MAGI2: variants seen among roughly 807,000 people sequenced by gnomAD.
MAGI2 encodes membrane-associated guanylate kinase, WW and PDZ domain-containing protein 2.
MAGI2 carries 35 observed loss-of-function variants against 133.3 expected under a neutral mutation model. That is an observed-to-expected ratio of 0.26 (90% CI 0.20 to 0.35). MAGI2 has a LOEUF of 0.35. Among genes scored for constraint, MAGI2 ranks in the 10% least tolerant of loss-of-function variants. The pLI is 1.00. For synonymous variants in MAGI2, 729 were observed against 710.6 expected (o/e 1.03, Z -0.41); for missense variants, 1,636 against 1,863.4 (o/e 0.88, Z 2.25).
intron 9 of MAGI2, among the ~76,000 whole-genome samples, chr7:78,336,832 C>T (rs1472249558): frequency 2.0e-5 from 3 of 152,100 alleles, no homozygotes; most frequent in African/African-American, 4.8e-5. Context: ...CTAGGATGCT[C>T]GCGAGTTTTT....
chr7:79,263,047 G>A (rs1834191371), intron 1 of MAGI2, among the ~76,000 whole-genome samples: 1 of 152,004 alleles, frequency 6.6e-6, no homozygotes, highest in South Asian at 2.1e-4. Context: ...TCATTTCCAA[G>A]CTTGTTTAGA....
intron 2 of MAGI2, among the ~76,000 whole-genome samples, chr7:78,821,501 A>G (rs958436361): frequency 1.3e-5 from 2 of 152,038 alleles, no homozygotes; most frequent in Non-Finnish European, 2.9e-5. Flanking sequence ...TAAATGCATA[A>G]CAAAACTACA....
intron 2 of MAGI2, among the ~76,000 whole-genome samples, chr7:78,683,812 A>G (rs755891610): frequency 6.6e-6 from 1 of 152,202 alleles, no homozygotes; most frequent in Non-Finnish European, 1.5e-5. Context: ...GTTACTGAAT[A>G]CTAACGTTTC....
chr7:79,203,751 C>T lies in MAGI2; in HGVS notation c.302-196545G>A, dbSNP rs919996711. ...TTAAAAATATTTAAGCCGCCACCAACGCACCAATGTAAAATTCACATGCAC... is the reference window on the plus strand; with the variant it reads ...TTAAAAATATTTAAGCCGCCACCAATGCACCAATGTAAAATTCACATGCAC... On this transcript the variant is annotated intron_variant, in intron 1 of 21. Transcript: ENST00000354212. Among the ~76,000 whole-genome samples the T allele has an allele frequency of 5.9e-5, 9 of 152,132 alleles. No individual in the cohort carries two copies. In the East Asian group the frequency reaches 7.7e-4, roughly 13 times the overall value.
rs553893395 is a variant in MAGI2 at position 78,194,664 on chromosome 7, A to G, written c.2269+210T>C. Among the ~76,000 whole-genome samples the G allele has an allele frequency of 2.6e-4, 40 of 152,344 alleles. 1 individual carries two copies. The South Asian group carries it at 8.3e-3, about 32-fold the overall frequency. On this transcript the variant is annotated intron_variant, in intron 12 of 21. Transcript: ENST00000354212. ...TTCAGGAGATTAGGGGAAGAAAAGTAGGAGATAAAATATAAGGCAAAAGAT... is the reference window on the plus strand; with the variant it reads ...TTCAGGAGATTAGGGGAAGAAAAGTGGGAGATAAAATATAAGGCAAAAGAT...
In MAGI2 at chr7:78,133,036, G is replaced by A; in HGVS notation, c.3056C>T (p.Pro1019Leu). 6.3e-7 allele frequency: 1 copy of A among 1,580,766 alleles called. No individual in the cohort carries two copies. Among genetic ancestry groups the A allele is most frequent in the Non-Finnish European group, 8.6e-7 (1 of 1,166,276 alleles). ...CATGGGACTCTGCTTCTCTGAGCTGGGTGCCGAGGTGGGGCTGTTGAGCTC... is the reference window on the plus strand; with the variant it reads ...CATGGGACTCTGCTTCTCTGAGCTGAGTGCCGAGGTGGGGCTGTTGAGCTC... ...QEELNSPTSAPSSEKQSPMAQ... is the reference protein window; with the variant it reads ...QEELNSPTSALSSEKQSPMAQ... The change falls in exon 18 of 22, where the codon CCC becomes CTC. Residue 1019 changes from proline (P) to leucine (L), a missense_variant. By Grantham distance (98) the Pro-to-Leu change is moderately conservative. Around this residue, in one of 5 missense-constraint regions of MAGI2, gnomAD observed 920 missense variants for 1,093.5 expected, o/e 0.84. Transcript: ENST00000354212.
intron 2 of MAGI2, among the ~76,000 whole-genome samples, chr7:78,705,795 AG>A (rs1436831003): frequency 1.3e-5 from 2 of 152,154 alleles, no homozygotes; most frequent in African/African-American, 4.8e-5. Context: ...TAACATTTCC[AG>A]GCAACAAAGA....
chr7:79,391,488 C>CATATATATATATATATAGACAT (rs1198259408), intron 1 of MAGI2, among the ~76,000 whole-genome samples: 4 of 119,336 alleles, frequency 3.4e-5, no homozygotes, highest in Non-Finnish European at 7.2e-5. Context: ...TTACCTTTAA[C>CATATATATATATATATAGACAT]ATATATATAT....
chr7:79,378,926 GTATATATATATATATATATATATATA>G (rs59388508), intron 1 of MAGI2, among the ~76,000 whole-genome samples: 12 of 94,602 alleles, frequency 1.3e-4, no homozygotes, highest in African/African-American at 3.6e-4. Flanking sequence ...ATGTGTGTGT[GTATATATATATATATATATATATATA>G]TATATATATA....
intron 7 of MAGI2, among the ~76,000 whole-genome samples, chr7:78,367,708 C>T (rs1793522547): frequency 6.6e-6 from 1 of 152,162 alleles, no homozygotes; most frequent in Non-Finnish European, 1.5e-5. Flanking sequence ...TCTTTCCTTA[C>T]ATGGAATTTC....
At chr7:78,575,181 T>C (rs1459202625) in intron 3 of MAGI2, among the ~76,000 whole-genome samples, 1 of 152,038 alleles carries the variant, frequency 6.6e-6, no homozygotes, top group East Asian at 1.9e-4. Flanking sequence ...TCTCACAAAA[T>C]AATTATTAAC....
At chr7:78,464,435 G>C (rs1211899951) in intron 6 of MAGI2, among the ~76,000 whole-genome samples, 1 of 152,030 alleles carries the variant, frequency 6.6e-6, no homozygotes, top group Non-Finnish European at 1.5e-5. Context: ...TCTGGCTTTT[G>C]TGTCAACCCT....
At position 78,259,195 on chromosome 7, in the gene MAGI2, T is replaced by C. The variant is rs188367377; in HGVS notation, c.1409-2614A>G. Among the ~76,000 whole-genome samples the C allele has an allele frequency of 5.6e-4, 85 of 152,284 alleles. 1 individual carries two copies. The East Asian group carries it at 0.014, about 25-fold the overall frequency. On this transcript the variant is annotated intron_variant, in intron 9 of 21. Coordinates refer to ENST00000354212, the MANE Select transcript of MAGI2 (RefSeq NM_012301.4). ...CTCATTTCCTCAATTTCCTATTCAG[T>C]GAGTTTTTTTTAACTCATTGACTAT... is the stretch of plus-strand genomic sequence containing the variant.
intron 1 of MAGI2, among the ~76,000 whole-genome samples, chr7:79,168,936 A>ATATT (rs1825251933): frequency 7.0e-6 from 1 of 142,516 alleles, no homozygotes; most frequent in Non-Finnish European, 1.5e-5. Flanking sequence ...ATATATATAA[A>ATATT]TTTTTTTTCC....
intron 1 of MAGI2, among the ~76,000 whole-genome samples, chr7:79,428,268 C>A (rs971754309): frequency 2.2e-4 from 34 of 152,076 alleles, no homozygotes; most frequent in Non-Finnish European, 4.9e-4. Flanking sequence ...AATCTATTAA[C>A]AACAAGCAGA....
At chr7:78,168,496 C>A (rs1178679947) in intron 14 of MAGI2, among the ~76,000 whole-genome samples, 3 of 152,080 alleles carry the variant, frequency 2.0e-5, no homozygotes, top group Non-Finnish European at 4.4e-5. Flanking sequence ...TGACGAATAC[C>A]CTTAAGGAAA....
intron 6 of MAGI2, among the ~76,000 whole-genome samples, chr7:78,404,947 A>T (rs938196221): frequency 2.0e-5 from 3 of 152,166 alleles, no homozygotes; most frequent in African/African-American, 7.2e-5. Context: ...TCCAGAACCT[A>T]CAAAGAACTT....
At chr7:78,602,129 C>T (rs1805269130) in intron 3 of MAGI2, among the ~76,000 whole-genome samples, 2 of 152,158 alleles carry the variant, frequency 1.3e-5, no homozygotes, top group Non-Finnish European at 2.9e-5. Context: ...CTTCTCCATA[C>T]ATTATAATTT....
Position 78,019,867 on chromosome 7 carries a change from T to TG in MAGI2, c.3815dup (p.Pro1273ThrfsTer23). 6.2e-7 allele frequency: 1 copy of TG among 1,612,258 alleles called. No homozygotes were observed. Among genetic ancestry groups the TG allele is most frequent in the Non-Finnish European group, 8.5e-7 (1 of 1,179,508 alleles). On this transcript the variant is annotated frameshift_variant, in exon 22 of 22. Transcript: ENST00000354212. LOFTEE classifies it high-confidence loss of function. ...TTATCTGGTGGGAAGGGTCGGAGGG[T>TG]GGGGCTGGATGTGATGGAGAGAATG...
Sources: allele counts gnomAD v4.1 joint callset (sites outside exome capture counted in the v4.1 genomes callset), GRCh38; gene constraint gnomAD v4.1.1; regional missense constraint gnomAD v4.1.1; transcripts MANE v1.5; gene names NCBI Gene and HGNC (gene_info 2026-07-23, HGNC 2026-07-21).